The following CNNM2 variants were observed in gnomAD, a reference collection of about 807,000 sequenced individuals.
The protein encoded by CNNM2 is metal transporter CNNM2.
Under a neutral mutation model 66.9 loss-of-function variants are expected in CNNM2, and 12 were observed. The ratio of observed to expected loss-of-function variants is 0.18; its 90% CI spans 0.11 to 0.29. CNNM2 has a LOEUF of 0.29. CNNM2 is among the 10% of genes least tolerant of loss of function. CNNM2 has a pLI of 1.00. For missense variants in CNNM2, 705 were observed against 1,167.7 expected, an observed-to-expected ratio of 0.60 and a Z score of 5.77; for synonymous variants, 557 against 501.8, an observed-to-expected ratio of 1.11 and a Z score of -1.47.
At chr10:102,960,000 C>T (rs1016878051) in intron 1 of CNNM2, among the ~76,000 whole-genome samples, 6 of 150,644 alleles carry the variant, frequency 4.0e-5, no homozygotes, top group Non-Finnish European at 7.4e-5. Flanking sequence ...TGCAGTGAGC[C>T]GAGATCACAC....
intron 1 of CNNM2, among the ~76,000 whole-genome samples, chr10:103,007,728 T>C (rs1564842621): frequency 6.6e-6 from 1 of 152,196 alleles, no homozygotes; most frequent in Non-Finnish European, 1.5e-5. Flanking sequence ...TCTGTTCTTT[T>C]TCAAGGTGCA....
chr10:102,966,887 G>A (rs1191144804), intron 1 of CNNM2, among the ~76,000 whole-genome samples: 1 of 152,076 alleles, frequency 6.6e-6, no homozygotes, highest in Non-Finnish European at 1.5e-5. Context: ...GAGTGGGGCA[G>A]GATATAAATG....
chr10:103,049,955 A>G, intron 2 of CNNM2, 105 bp downstream of exon 2: 1 of 1,123,192 alleles, frequency 8.9e-7, no homozygotes, highest in Non-Finnish European at 1.3e-6. Flanking sequence ...GTTTATAATG[A>G]CACATGATGT....
chr10:103,052,980 C>G (rs972309045), intron 2 of CNNM2, among the ~76,000 whole-genome samples: 1 of 152,222 alleles, frequency 6.6e-6, no homozygotes, highest in Non-Finnish European at 1.5e-5. Flanking sequence ...AGTAATCAAT[C>G]TGTTTTGCTT....
chr10:103,039,023 A>G lies in CNNM2; in HGVS notation c.1622-10684A>G, dbSNP rs2064992259. Among the ~76,000 whole-genome samples the G allele has an allele frequency of 3.3e-5, 5 of 152,190 alleles. 1 individual carries two copies. In the South Asian group the frequency reaches 1.0e-3, roughly 32 times the overall value. On this transcript the variant is annotated intron_variant, in intron 1 of 7. Coordinates refer to ENST00000369878, the MANE Select transcript of CNNM2 (RefSeq NM_017649.5). ...CTTAAAAAAAAAAGAAGATACACAC[A>G]GTTTGTTTTTATTTTTATTTTAGCT...
At chr10:102,935,108 G>A (rs1234580624) in intron 1 of CNNM2, among the ~76,000 whole-genome samples, 1 of 145,496 alleles carries the variant, frequency 6.9e-6, no homozygotes, top group Non-Finnish European at 1.5e-5. Context: ...GCAGTGAGCC[G>A]AGACCGCGCC....
intron 1 of CNNM2, among the ~76,000 whole-genome samples, chr10:102,999,237 ATTT>A (rs776992441): frequency 7.8e-6 from 1 of 128,942 alleles, no homozygotes; most frequent in Non-Finnish European, 1.6e-5. Context: ...TGCCCGGCTA[ATTT>A]TTTTTTTTTT....
At position 102,968,270 on chromosome 10, in the gene CNNM2, G is replaced by A. The variant is rs180976681; in HGVS notation, c.1621+48169G>A. ...GTTTTGTTTTGTTTTTGTTTGAGACGGAGTCTGGCTCTGTCACCTAGGCTG... is the reference window on the plus strand; with the variant it reads ...GTTTTGTTTTGTTTTTGTTTGAGACAGAGTCTGGCTCTGTCACCTAGGCTG... On this transcript the variant is annotated intron_variant, in intron 1 of 7. Transcript: ENST00000369878. Among the ~76,000 whole-genome samples the A allele has an allele frequency of 4.3e-3, 655 of 152,080 alleles. 2 individuals are homozygous for A. The highest frequency in any genetic ancestry group is 0.015 in the South Asian group (70 of 4,792).
At chr10:102,970,025 GCTTA>G (rs1223833614) in intron 1 of CNNM2, among the ~76,000 whole-genome samples, 4 of 152,284 alleles carry the variant, frequency 2.6e-5, no homozygotes, top group Admixed American at 6.5e-5. Context: ...GAGACTCTTT[GCTTA>G]CTTATTTTTA....
intron 1 of CNNM2, among the ~76,000 whole-genome samples, chr10:102,933,749 G>A (rs879502874): frequency 8.5e-5 from 13 of 152,076 alleles, no homozygotes; most frequent in African/African-American, 2.9e-4. Context: ...ACATAAATAC[G>A]TATTAACTGT....
At chr10:103,066,422 T>A (rs2065477507) in intron 4 of CNNM2, among the ~76,000 whole-genome samples, 2 of 152,140 alleles carry the variant, frequency 1.3e-5, no homozygotes, top group South Asian at 2.1e-4. Flanking sequence ...TATCAATAGC[T>A]TCTCTACCGC....
intron 1 of CNNM2, among the ~76,000 whole-genome samples, chr10:102,951,207 T>G (rs1305467517): frequency 6.6e-6 from 1 of 151,180 alleles, no homozygotes; most frequent in Non-Finnish European, 1.5e-5. Context: ...CCAGGCTGGG[T>G]TTTTTTTGAG....
intron 1 of CNNM2, among the ~76,000 whole-genome samples, chr10:102,980,240 G>T (rs1250007357): frequency 6.6e-6 from 1 of 151,802 alleles, no homozygotes; most frequent in Admixed American, 6.6e-5. Context: ...ACTGCGTCCA[G>T]CCTCATCTCT....
chr10:102,938,425 C>T (rs1254328803), intron 1 of CNNM2, among the ~76,000 whole-genome samples: 2 of 149,856 alleles, frequency 1.3e-5, no homozygotes, highest in African/African-American at 4.9e-5. Context: ...GCCTGGGTGA[C>T]AGAGCAACGC....
chr10:102,975,744 C>A (rs1441066986), intron 1 of CNNM2, among the ~76,000 whole-genome samples: 2 of 152,104 alleles, frequency 1.3e-5, no homozygotes, highest in Admixed American at 6.5e-5. Flanking sequence ...TTGTAAAATT[C>A]TTTGGTAAAT....
intron 1 of CNNM2, among the ~76,000 whole-genome samples, chr10:102,999,649 T>TC (rs36093016): frequency 2.3e-4 from 34 of 150,678 alleles, no homozygotes; most frequent in South Asian, 1.3e-3. Flanking sequence ...AGGCTGCCCT[T>TC]CCCCCCCCAC....
At chr10:102,928,210 C>T (rs1845942010) in intron 1 of CNNM2, among the ~76,000 whole-genome samples, 2 of 152,152 alleles carry the variant, frequency 1.3e-5, no homozygotes, top group Admixed American at 1.3e-4. Context: ...TTTATTATAA[C>T]AATTCTTTCT....
At chr10:102,938,135 C>CA (rs1408435508) in intron 1 of CNNM2, among the ~76,000 whole-genome samples, 1 of 151,114 alleles carries the variant, frequency 6.6e-6, no homozygotes, top group South Asian at 2.1e-4. Context: ...CTCATCTCTA[C>CA]AAAAAAATTA....
In CNNM2 at chr10:102,983,856, C is replaced by T. The variant is rs2063755773; in HGVS notation, c.1621+63755C>T. 2.6e-5 allele frequency among the ~76,000 whole-genome samples: 4 copies of T among 152,106 alleles called. No homozygotes were observed. The South Asian group carries it at 8.3e-4, about 32-fold the overall frequency. The stretch of plus-strand genomic sequence containing the variant: ...TCTTGGCTTATTGCAACCTCCACCT[C>T]CCAGGTTTGAGCGATCCTCCTGCCT... On this transcript the variant is annotated intron_variant, in intron 1 of 7. Transcript: ENST00000369878.
Sources: gnomAD v4.1 joint callset for allele counts (sites outside exome capture counted in the v4.1 genomes callset) on GRCh38, gnomAD v4.1.1 for gene constraint, MANE v1.5 for transcripts, NCBI Gene and HGNC (gene_info 2026-07-23, HGNC 2026-07-21) for gene names.